UBE2Q2: variants seen among roughly 807,000 people sequenced by gnomAD.
The protein encoded by UBE2Q2 is ubiquitin conjugating enzyme E2 Q2, also known as ubiquitin-conjugating enzyme E2 Q2.
Under a neutral mutation model 59.9 loss-of-function variants are expected in UBE2Q2, and 54 were observed. That is an observed-to-expected ratio of 0.90 (90% CI 0.72 to 1.13). UBE2Q2 has a LOEUF of 1.13. Among genes scored for constraint, UBE2Q2 ranks in the 50% most tolerant of loss-of-function variants. The probability of loss-of-function intolerance (pLI) is 0.00; values close to 1 mark genes in which losing one functional copy is unlikely to be tolerated. For synonymous variants in UBE2Q2, 165 were observed against 155.2 expected (o/e 1.06, Z -0.47); for missense variants, 433 against 441.9 (o/e 0.98, Z 0.18).
chr15:75,871,454 A>G, intron 4 of UBE2Q2, among the ~76,000 whole-genome samples: 1 of 152,190 alleles, frequency 6.6e-6, no homozygotes, highest in South Asian at 2.1e-4. Context: ...ACGAGGCCAT[A>G]TTTCAGACTA....
chr15:75,864,604 T>C (rs1333203237), intron 3 of UBE2Q2, among the ~76,000 whole-genome samples: 1 of 137,888 alleles, frequency 7.3e-6, no homozygotes, highest in Non-Finnish European at 1.6e-5. Flanking sequence ...TAACTGTAGA[T>C]TCTAAAAAAA....
chr15:75,863,147 TC>T (rs1477984786), intron 3 of UBE2Q2, among the ~76,000 whole-genome samples: 1 of 152,232 alleles, frequency 6.6e-6, no homozygotes, highest in African/African-American at 2.4e-5. Context: ...TGTCCCACTT[TC>T]TGGGGTACCT....
chr15:75,900,943 CTTTG>C lies in UBE2Q2; in HGVS notation c.*1489_*1492del, dbSNP rs1197783584. The C allele has an allele frequency of 6.6e-6, 1 of 152,586 alleles. No individual in the cohort carries two copies. The highest frequency in any genetic ancestry group is 1.9e-4 in the East Asian group (1 of 5,198). 9.5% of individuals were successfully genotyped at this position (152,586 alleles called of 1,614,324 possible). A position where few individuals can be genotyped will look rare whatever the true frequency, so the allele number is the denominator to read the frequency against. On this transcript the variant is annotated 3_prime_UTR_variant, in exon 13 of 13. Coordinates refer to ENST00000267938, the MANE Select transcript of UBE2Q2 (RefSeq NM_173469.4). ...GACTGATAGCTGCACATTTGGCATG[CTTTG>C]TTTAATGGATTTTATTTTTAATTGC...
chr15:75,860,803 T>C (rs1012589510), intron 3 of UBE2Q2, among the ~76,000 whole-genome samples: 16 of 152,218 alleles, frequency 1.1e-4, no homozygotes, highest in Admixed American at 3.9e-4. Flanking sequence ...GTTTTTCTCA[T>C]CTGCTCTCCT....
chr15:75,878,290 A>G, intron 7 of UBE2Q2: 2 of 415,202 alleles, frequency 4.8e-6, no homozygotes, highest in Non-Finnish European at 8.6e-6. Context: ...ACAAAAGTGT[A>G]TTTAATAACT....
intron 5 of UBE2Q2, among the ~76,000 whole-genome samples, chr15:75,875,345 C>A (rs896136440): frequency 3.9e-5 from 6 of 152,088 alleles, no homozygotes; most frequent in Non-Finnish European, 7.4e-5. Flanking sequence ...TTTAATTTCA[C>A]GTGACCAAAA....
chr15:75,863,457 T>C (rs1420911336), intron 3 of UBE2Q2, among the ~76,000 whole-genome samples: 1 of 151,910 alleles, frequency 6.6e-6, no homozygotes, highest in Non-Finnish European at 1.5e-5. Context: ...GTTTTTCTTT[T>C]TTTTTTTTGA....
At chr15:75,850,235 A>G (rs1420458237) in intron 1 of UBE2Q2, among the ~76,000 whole-genome samples, 2 of 152,226 alleles carry the variant, frequency 1.3e-5, no homozygotes, top group Non-Finnish European at 2.9e-5. Context: ...AGTCAAAACT[A>G]GGAGATATGA....
chr15:75,876,065 C>CAAAAAAAAA, intron 5 of UBE2Q2, 122 bp from the exon 6 acceptor site: 2 of 534,196 alleles, frequency 3.7e-6, no homozygotes, highest in Non-Finnish European at 5.8e-6. Flanking sequence ...ACTCCATCTC[C>CAAAAAAAAA]AAAAAAAAAA....
chr15:75,869,983 T>G (rs983644936), intron 4 of UBE2Q2, among the ~76,000 whole-genome samples: 1 of 152,224 alleles, frequency 6.6e-6, no homozygotes, highest in Non-Finnish European at 1.5e-5. Flanking sequence ...TTGGGTCTTA[T>G]AATTATGCTT....
rs1898074988 is a variant in UBE2Q2 at position 75,876,272 on chromosome 15, G to A, written c.673+1G>A. The A allele has an allele frequency of 1.2e-6, 2 of 1,611,240 alleles. No individual in the cohort carries two copies. The highest frequency in any genetic ancestry group is 2.7e-5 in the African/African-American group (2 of 74,770). ...TACAGATCACAGAGTTATAAAACAG[G>A]TAAGGATCTCTGGATCCCTGCTCTC... On this transcript the variant is annotated splice_donor_variant, in intron 6 of 12. Coordinates refer to ENST00000267938, the MANE Select transcript of UBE2Q2 (RefSeq NM_173469.4). LOFTEE classifies it high-confidence loss of function.
intron 1 of UBE2Q2, among the ~76,000 whole-genome samples, chr15:75,846,236 A>AT (rs1054901959): frequency 1.2e-4 from 18 of 152,034 alleles, no homozygotes; most frequent in Non-Finnish European, 2.4e-4. Flanking sequence ...AGACTCTTTT[A>AT]TTTTTTATTA....
intron 1 of UBE2Q2, among the ~76,000 whole-genome samples, chr15:75,852,047 T>A (rs1896660936): frequency 2.0e-5 from 3 of 152,038 alleles, no homozygotes; most frequent in East Asian, 1.9e-4. Flanking sequence ...CTAATTTTTT[T>A]ATTTTTTTTT....
chr15:75,869,968 C>T lies in UBE2Q2; in HGVS notation c.447+958C>T, dbSNP rs1897697143. On this transcript the variant is annotated intron_variant, in intron 4 of 12. Transcript: ENST00000267938. ...TTGATTTAAAAAAAAATTTTTTTTT[C>T]TGTTTTGGGTCTTATAATTATGCTT... Among the ~76,000 whole-genome samples the T allele has an allele frequency of 2.0e-5, 3 of 151,882 alleles. No homozygotes were observed. The South Asian group carries it at 6.3e-4, about 32-fold the overall frequency.
intron 3 of UBE2Q2, among the ~76,000 whole-genome samples, chr15:75,868,578 G>T (rs1235370737): frequency 6.6e-6 from 1 of 152,052 alleles, no homozygotes; most frequent in Non-Finnish European, 1.5e-5. Flanking sequence ...TTAAGGAATC[G>T]GTAGTTTGGG....
In UBE2Q2 at chr15:75,878,148, A is replaced by G. The variant is rs1595885759; in HGVS notation, c.734+127A>G. 5 of 715,600 alleles carry G rather than the reference A, an allele frequency of 7.0e-6. No individual in the cohort carries two copies. The East Asian group carries it at 1.2e-4, about 17-fold the overall frequency. The allele number at this position is 715,600 out of a possible 1,614,324, so 44.3% of individuals were successfully genotyped here. A position where few individuals can be genotyped will look rare whatever the true frequency, so the allele number is the denominator to read the frequency against. ...TTAGAACTTTAGACTTTGTTTCTATAGAAATAGTTCTTAGATTGTTTAAAT... is the reference window on the plus strand; with the variant it reads ...TTAGAACTTTAGACTTTGTTTCTATGGAAATAGTTCTTAGATTGTTTAAAT... On this transcript the variant is annotated intron_variant, in intron 7 of 12. Transcript: ENST00000267938.
chr15:75,854,275 C>T, intron 1 of UBE2Q2, 111 bp from the exon 2 acceptor site: 1 of 706,520 alleles, frequency 1.4e-6, no homozygotes, highest in Non-Finnish European at 2.3e-6. Flanking sequence ...CTTTTCCCCC[C>T]ATACATTTTG....
intron 3 of UBE2Q2, among the ~76,000 whole-genome samples, chr15:75,867,125 A>T (rs911057453): frequency 1.3e-5 from 2 of 152,070 alleles, no homozygotes; most frequent in South Asian, 4.1e-4. Flanking sequence ...TGGCATGAGG[A>T]TGGGGAGGTG....
At chr15:75,844,480 C>T in intron 1 of UBE2Q2, 1 of 1,551,326 alleles carries the variant, frequency 6.4e-7, no homozygotes, top group South Asian at 1.2e-5. Flanking sequence ...ACCGTCGTTG[C>T]GGCAGGTGGT....
Sources: allele counts gnomAD v4.1 joint callset (sites outside exome capture counted in the v4.1 genomes callset), GRCh38; gene constraint gnomAD v4.1.1; transcripts MANE v1.5; gene names NCBI Gene and HGNC (gene_info 2026-07-23, HGNC 2026-07-21).